SYT1: variants seen among roughly 807,000 people sequenced by gnomAD.
SYT1 encodes the protein synaptotagmin 1.
SYT1 carries 8 observed loss-of-function variants against 44.8 expected under a neutral mutation model. The observed-to-expected ratio is 0.18, with a 90% CI of 0.10 to 0.32. SYT1 has a LOEUF of 0.32. Among genes scored for constraint, SYT1 ranks in the 10% least tolerant of loss-of-function variants. The pLI, the probability that SYT1 is intolerant of heterozygous loss-of-function variation, is 1.00. For synonymous variants in SYT1, 154 were observed against 188.8 expected (o/e 0.82, Z 1.51); for missense variants, 286 against 509.3 (o/e 0.56, Z 4.22).
At chr12:78,920,365 CAAATGA>C (rs1431545912) in intron 1 of SYT1, among the ~76,000 whole-genome samples, 1 of 151,738 alleles carries the variant, frequency 6.6e-6, no homozygotes, top group Non-Finnish European at 1.5e-5. Flanking sequence ...TCGCATTCAA[CAAATGA>C]AAATGAAAAG....
Position 78,988,991 on chromosome 12 carries a change from G to A in SYT1, c.-84+11060G>A, listed in dbSNP as rs370852367. Among the ~76,000 whole-genome samples, 16 of 152,190 alleles carry A rather than the reference G, an allele frequency of 1.1e-4. 1 individual carries two copies. The highest frequency in any genetic ancestry group is 5.8e-4 in the East Asian group (3 of 5,174). ...TGAGAAATTAATAGACTTGAGATATGTTTTTAAAGTAGAACCTATATGACT... is the reference window on the plus strand; with the variant it reads ...TGAGAAATTAATAGACTTGAGATATATTTTTAAAGTAGAACCTATATGACT... On this transcript the variant is annotated intron_variant, in intron 2 of 10. Coordinates refer to ENST00000261205, the MANE Select transcript of SYT1 (RefSeq NM_005639.3).
At chr12:79,365,512 G>A (rs889284034) in intron 9 of SYT1, among the ~76,000 whole-genome samples, 2 of 152,032 alleles carry the variant, frequency 1.3e-5, no homozygotes, top group Non-Finnish European at 2.9e-5. Context: ...GAATTTGAAA[G>A]ATGAGTAACA....
chr12:79,434,264 A>C lies in SYT1; in HGVS notation c.929-9809A>C, dbSNP rs1174911701. ...TTTTCTTCTAGCAAACCCTGCACTT[A>C]ACTAATGTAAATTCATTTTTAAATT... On this transcript the variant is annotated intron_variant, in intron 9 of 10. Coordinates refer to ENST00000261205, the MANE Select transcript of SYT1 (RefSeq NM_005639.3). Among the ~76,000 whole-genome samples the C allele has an allele frequency of 2.0e-5, 3 of 152,320 alleles. No individual in the cohort carries two copies. In the East Asian group the frequency reaches 5.8e-4, roughly 29 times the overall value.
intron 8 of SYT1, among the ~76,000 whole-genome samples, chr12:79,300,789 T>TTATATATATATATATATATATA (rs56934430): frequency 5.6e-5 from 5 of 89,600 alleles, no homozygotes; most frequent in East Asian, 5.1e-4. Context: ...TGTATACTTA[T>TTATATATATATATATATATATA]TATATATATA....
At chr12:79,398,217 G>A (rs1010345525) in intron 9 of SYT1, among the ~76,000 whole-genome samples, 2 of 152,172 alleles carry the variant, frequency 1.3e-5, no homozygotes, top group African/African-American at 4.8e-5. Context: ...TGAACTAACA[G>A]GGAAAATGTG....
chr12:79,258,990 A>G (rs1234594280), intron 4 of SYT1, among the ~76,000 whole-genome samples: 1 of 152,222 alleles, frequency 6.6e-6, no homozygotes, highest in African/African-American at 2.4e-5. Flanking sequence ...TTAACTTGCT[A>G]AGATGGCAGA....
At chr12:78,909,339 T>A (rs1876175717) in intron 1 of SYT1, among the ~76,000 whole-genome samples, 1 of 151,972 alleles carries the variant, frequency 6.6e-6, no homozygotes. Flanking sequence ...TGTTTCCTTA[T>A]TTTCTAGGTA....
intron 1 of SYT1, among the ~76,000 whole-genome samples, chr12:78,895,024 T>C (rs1340121508): frequency 2.6e-5 from 4 of 151,628 alleles, no homozygotes; most frequent in Non-Finnish European, 5.9e-5. Context: ...AATATAAACA[T>C]ACACAATTTT....
chr12:78,933,599 A>G (rs1877875439), intron 1 of SYT1, among the ~76,000 whole-genome samples: 1 of 151,828 alleles, frequency 6.6e-6, no homozygotes, highest in Non-Finnish European at 1.5e-5. Flanking sequence ...GTATTTTGCT[A>G]GTACAGTTTA....
chr12:79,299,615 A>G, intron 8 of SYT1, 64 bp downstream of exon 8: 1 of 1,561,540 alleles, frequency 6.4e-7, no homozygotes, highest in Non-Finnish European at 8.7e-7. Flanking sequence ...CTCATATAAT[A>G]ACTTATTGAG....
intron 3 of SYT1, among the ~76,000 whole-genome samples, chr12:79,093,106 C>T (rs188726934): frequency 7.3e-5 from 11 of 151,690 alleles, no homozygotes; most frequent in African/African-American, 1.9e-4. Context: ...GGTTAAACAT[C>T]ACTTGCTATT....
chr12:79,192,145 G>T (rs1484213197), intron 3 of SYT1, among the ~76,000 whole-genome samples: 1 of 152,116 alleles, frequency 6.6e-6, no homozygotes, highest in Non-Finnish European at 1.5e-5. Flanking sequence ...GAGATTGAAG[G>T]TCTAAGAATG....
intron 3 of SYT1, among the ~76,000 whole-genome samples, chr12:79,080,203 A>G (rs1876936111): frequency 6.6e-6 from 1 of 152,144 alleles, no homozygotes; most frequent in Non-Finnish European, 1.5e-5. Flanking sequence ...TTTAGTATAT[A>G]GACATTTATC....
chr12:79,034,194 T>G (rs921489460), intron 2 of SYT1, among the ~76,000 whole-genome samples: 1 of 151,542 alleles, frequency 6.6e-6, no homozygotes. Flanking sequence ...GAAAATTCTT[T>G]GGAAAGCCCT....
chr12:79,348,501 A>C (rs983191122), intron 8 of SYT1, among the ~76,000 whole-genome samples: 1 of 152,240 alleles, frequency 6.6e-6, no homozygotes, highest in African/African-American at 2.4e-5. Context: ...GGGTTGAAGA[A>C]GCAGTGAAAC....
chr12:79,064,798 AACAC>A lies in SYT1; in HGVS notation c.-18+17450_-18+17453del, dbSNP rs375218157. On this transcript the variant is annotated intron_variant, in intron 3 of 10. Transcript: ENST00000261205. ...TAACAACTAACTATTCTGCACCCCA[AACAC>A]ACACACACACACATACACACACAAC... is the stretch of plus-strand genomic sequence containing the variant. Among the ~76,000 whole-genome samples the A allele has an allele frequency of 2.7e-5, 4 of 148,986 alleles. No individual in the cohort carries two copies. In the Admixed American group the frequency reaches 2.7e-4, roughly 10 times the overall value.
At chr12:78,911,416 C>A (rs564802531) in intron 1 of SYT1, among the ~76,000 whole-genome samples, 6 of 151,934 alleles carry the variant, frequency 3.9e-5, no homozygotes, top group African/African-American at 1.4e-4. Flanking sequence ...AAATGGAGAG[C>A]CTAAGACTGA....
chr12:79,405,436 A>G (rs11114107), intron 9 of SYT1, among the ~76,000 whole-genome samples: 18,815 of 152,192 alleles, frequency 0.12, 1,210 homozygotes, highest in Non-Finnish European at 0.14. Flanking sequence ...GAAGATTTAG[A>G]GTAATATCAA....
At chr12:79,048,403 T>A (rs1336490980) in intron 3 of SYT1, among the ~76,000 whole-genome samples, 1 of 151,878 alleles carries the variant, frequency 6.6e-6, no homozygotes, top group African/African-American at 2.4e-5. Context: ...TGATTGGGTA[T>A]AATTAATCAT....
Sources: gnomAD v4.1 joint callset for allele counts (sites outside exome capture counted in the v4.1 genomes callset) on GRCh38, gnomAD v4.1.1 for gene constraint, MANE v1.5 for transcripts, NCBI Gene and HGNC (gene_info 2026-07-23, HGNC 2026-07-21) for gene names.